Variants in TBC1D32 observed in about 807,000 individuals in gnomAD.
TBC1D32 encodes TBC1 domain family member 32.
Under a neutral mutation model 170.3 loss-of-function variants are expected in TBC1D32, and 151 were observed. The observed-to-expected ratio is 0.89, with a 90% CI of 0.78 to 1.01. The LOEUF (loss-of-function observed/expected upper bound fraction) is 1.01, where lower values mean the gene tolerates loss of function less well. TBC1D32 is among the 50% of genes least tolerant of loss of function. The probability of loss-of-function intolerance (pLI) is 0.00; values close to 1 mark genes in which losing one functional copy is unlikely to be tolerated. For missense variants in TBC1D32, 1,464 were observed against 1,457.1 expected, an observed-to-expected ratio of 1.00 and a Z score of -0.08; for synonymous variants, 498 against 488.0, an observed-to-expected ratio of 1.02 and a Z score of -0.27.
chr6:121,332,819 G>A lies in TBC1D32; in HGVS notation c.155+1457C>T, dbSNP rs184662697. 6.5e-4 allele frequency among the ~76,000 whole-genome samples: 99 copies of A among 152,100 alleles called. 1 individual carries two copies. The highest frequency in any genetic ancestry group is 2.3e-3 in the African/African-American group (97 of 41,510). On this transcript the variant is annotated intron_variant, in intron 1 of 31. Transcript: ENST00000398212. ...CTCTGGTAGCACCAAAATAAATAAC[G>A]TTATCATCTAATAACAGGTATTAGT...
At chr6:121,150,868 AT>A (rs1311650730) in intron 24 of TBC1D32, among the ~76,000 whole-genome samples, 2 of 138,640 alleles carry the variant, frequency 1.4e-5, no homozygotes, top group Non-Finnish European at 3.2e-5. Flanking sequence ...ATCATTTTTT[AT>A]TGTGTCTATT....
intron 22 of TBC1D32, among the ~76,000 whole-genome samples, chr6:121,180,632 G>A (rs1034197101): frequency 5.9e-5 from 9 of 152,072 alleles, no homozygotes; most frequent in African/African-American, 1.9e-4. Context: ...GAAACTACTA[G>A]GAGAAAACGC....
At chr6:121,195,366 C>A (rs543792967) in intron 22 of TBC1D32, among the ~76,000 whole-genome samples, 1 of 152,298 alleles carries the variant, frequency 6.6e-6, no homozygotes, top group Non-Finnish European at 1.5e-5. Context: ...AAGTCCCTAC[C>A]ATCTTCTGCA....
At chr6:121,204,223 C>T (rs781484983) in intron 22 of TBC1D32, among the ~76,000 whole-genome samples, 31 of 151,252 alleles carry the variant, frequency 2.0e-4, no homozygotes, top group Non-Finnish European at 5.9e-5. Flanking sequence ...ACCCAAAGAA[C>T]TACAATAGTA....
intron 1 of TBC1D32, among the ~76,000 whole-genome samples, chr6:121,322,938 C>A (rs1169412458): frequency 6.6e-6 from 1 of 152,020 alleles, no homozygotes; most frequent in East Asian, 1.9e-4. Flanking sequence ...ATTATACCCC[C>A]CATATATGGC....
chr6:121,234,132 A>G (rs1796066075), intron 20 of TBC1D32, among the ~76,000 whole-genome samples: 1 of 152,144 alleles, frequency 6.6e-6, no homozygotes, highest in Non-Finnish European at 1.5e-5. Context: ...TTTGCTTCAC[A>G]GCTCTTAAGA....
At chr6:121,329,001 A>G (rs116150761) in intron 1 of TBC1D32, among the ~76,000 whole-genome samples, 1 of 152,352 alleles carries the variant, frequency 6.6e-6, no homozygotes, top group African/African-American at 2.4e-5. Flanking sequence ...CTGTTTGTTA[A>G]TAAAGAAAGA....
At chr6:121,198,840 T>C (rs1791175151) in intron 22 of TBC1D32, among the ~76,000 whole-genome samples, 1 of 151,254 alleles carries the variant, frequency 6.6e-6, no homozygotes, top group East Asian at 1.9e-4. Flanking sequence ...TAGGAGACAA[T>C]TCAAATTGAA....
intron 24 of TBC1D32, among the ~76,000 whole-genome samples, chr6:121,136,095 G>A (rs1782042186): frequency 6.6e-6 from 1 of 152,076 alleles, no homozygotes; most frequent in African/African-American, 2.4e-5. Context: ...TCAATTAACA[G>A]ATTAATAGAC....
chr6:121,208,729 G>GAAAAAAAAAAAAA (rs57771111), intron 21 of TBC1D32, among the ~76,000 whole-genome samples: 3 of 86,898 alleles, frequency 3.5e-5, no homozygotes, highest in Non-Finnish European at 4.7e-5. Context: ...GAAACACCTG[G>GAAAAAAAAAAAAA]AAAAAAAAAA....
At chr6:121,239,635 G>A (rs935544153) in intron 19 of TBC1D32, among the ~76,000 whole-genome samples, 3 of 152,088 alleles carry the variant, frequency 2.0e-5, no homozygotes, top group Non-Finnish European at 4.4e-5. Context: ...AAGAGTGTAT[G>A]CTCCCTTATT....
intron 21 of TBC1D32, among the ~76,000 whole-genome samples, chr6:121,208,729 G>GAAAAAAAAAAAAAAAAAAAAAAAAAA (rs57771111): frequency 1.2e-5 from 1 of 86,898 alleles, no homozygotes; most frequent in Non-Finnish European, 2.4e-5. Context: ...GAAACACCTG[G>GAAAAAAAAAAAAAAAAAAAAAAAAAA]AAAAAAAAAA....
At chr6:121,135,829 A>G (rs1297024230) in intron 24 of TBC1D32, among the ~76,000 whole-genome samples, 2 of 152,146 alleles carry the variant, frequency 1.3e-5, no homozygotes, top group Non-Finnish European at 2.9e-5. Flanking sequence ...GGTCCCAGAA[A>G]GGTCACACCT....
chr6:121,288,955 C>A (rs180827337), intron 12 of TBC1D32, among the ~76,000 whole-genome samples: 3 of 152,052 alleles, frequency 2.0e-5, no homozygotes, highest in Non-Finnish European at 4.4e-5. Flanking sequence ...ATTCAACAGC[C>A]CTTCATGCTA....
intron 21 of TBC1D32, among the ~76,000 whole-genome samples, chr6:121,213,524 T>TAAAATAAATAAAATA (rs371151560): frequency 2.7e-3 from 83 of 31,090 alleles, no homozygotes; most frequent in Admixed American, 8.0e-3. Context: ...TAAAATAAAA[T>TAAAATAAATAAAATA]AAATAAAATA....
intron 24 of TBC1D32, among the ~76,000 whole-genome samples, chr6:121,144,412 T>C (rs754847631): frequency 6.6e-6 from 1 of 152,046 alleles, no homozygotes; most frequent in Non-Finnish European, 1.5e-5. Flanking sequence ...ATGTGAGTGG[T>C]AGTAGATGAG....
chr6:121,206,496 A>G (rs1792294443), intron 21 of TBC1D32, among the ~76,000 whole-genome samples: 1 of 152,208 alleles, frequency 6.6e-6, no homozygotes, highest in African/African-American at 2.4e-5. Flanking sequence ...TCAAATTAAA[A>G]AAAGAGGCAA....
At chr6:121,222,556 C>A (rs1794644777) in intron 21 of TBC1D32, among the ~76,000 whole-genome samples, 1 of 134,570 alleles carries the variant, frequency 7.4e-6, no homozygotes. Context: ...TAAAGGTATT[C>A]AAAAGGGCAA....
chr6:121,290,056 A>G (rs1013198487), intron 12 of TBC1D32, among the ~76,000 whole-genome samples: 3 of 152,140 alleles, frequency 2.0e-5, no homozygotes, highest in African/African-American at 7.2e-5. Flanking sequence ...CTAGAAGAAA[A>G]CCTAGGCAAT....
Sources: allele counts gnomAD v4.1 joint callset (sites outside exome capture counted in the v4.1 genomes callset), GRCh38; gene constraint gnomAD v4.1.1; transcripts MANE v1.5; gene names NCBI Gene and HGNC (gene_info 2026-07-23, HGNC 2026-07-21).